Variants in RAC2 observed in about 807,000 individuals in gnomAD.
RAC2 encodes the protein ras-related C3 botulinum toxin substrate 2.
In RAC2, 1 loss-of-function variant was observed where a neutral mutation model predicts 24.0. The observed-to-expected ratio is 0.04, with a 90% confidence interval of 0.01 to 0.20. The LOEUF (loss-of-function observed/expected upper bound fraction) is 0.20. Ranked by LOEUF, RAC2 falls within the 10% of genes least tolerant of loss-of-function variation. The pLI, the probability that RAC2 is intolerant of heterozygous loss-of-function variation, is 1.00. For synonymous variants in RAC2, 114 were observed against 106.8 expected (o/e 1.07, Z -0.41); for missense variants, 130 against 259.1 (o/e 0.50, Z 3.42).
intron 1 of RAC2, among the ~76,000 whole-genome samples, chr22:37,242,698 C>G (rs1187611241): frequency 6.6e-6 from 1 of 152,236 alleles, no homozygotes; most frequent in Admixed American, 6.5e-5. Flanking sequence ...AGATACAAAG[C>G]AGAAGTGAAC....
chr22:37,228,896 G>A (rs991098906), intron 5 of RAC2, among the ~76,000 whole-genome samples: 2 of 152,154 alleles, frequency 1.3e-5, no homozygotes, highest in African/African-American at 2.4e-5. Context: ...AGGCATATAC[G>A]CCCACCAGGG....
chr22:37,226,941 C>CT, intron 5 of RAC2, 138 bp from the exon 6 acceptor site: 3 of 1,115,176 alleles, frequency 2.7e-6, no homozygotes, highest in Non-Finnish European at 3.9e-6. Flanking sequence ...GCCATACACC[C>CT]TCCCGTGCCA....
chr22:37,234,889 T>G (rs1927176624), intron 2 of RAC2, among the ~76,000 whole-genome samples: 1 of 152,192 alleles, frequency 6.6e-6, no homozygotes, highest in African/African-American at 2.4e-5. Context: ...CAAGTCCTCC[T>G]CTCTGGCGGA....
At chr22:37,235,321 T>C (rs924017902) in intron 2 of RAC2, among the ~76,000 whole-genome samples, 21 of 152,146 alleles carry the variant, frequency 1.4e-4, no homozygotes, top group African/African-American at 4.6e-4. Flanking sequence ...GTCTGGAAAG[T>C]GCCTGCAAAC....
At chr22:37,233,020 G>T in intron 2 of RAC2, 102 bp from the exon 3 acceptor site, 1 of 846,154 alleles carries the variant, frequency 1.2e-6, no homozygotes, top group Non-Finnish European at 2.0e-6. Context: ...GAGACCTAGA[G>T]ACAGTCTGCG....
At chr22:37,228,461 T>C (rs1256294723) in intron 5 of RAC2, among the ~76,000 whole-genome samples, 17 of 152,114 alleles carry the variant, frequency 1.1e-4, no homozygotes, top group Admixed American at 1.1e-3. Flanking sequence ...CAAAACCCCT[T>C]CTGCCGAGAT....
Position 37,241,634 on chromosome 22 carries a change from G to A in RAC2, c.60C>T (p.Leu20=), listed in dbSNP as rs767941433. Residue 20 remains leucine, a synonymous_variant, in exon 2 of 7, where the codon CTC becomes CTT. Coordinates refer to ENST00000249071, the MANE Select transcript of RAC2 (RefSeq NM_002872.5). ...GAAAGGCGTTGGTGGTGTAGCTGAT[G>A]AGAAGGCAGGTCTTGCCCACGGCCC... The part of the protein sequence containing the change: ...GDGAVGKTCL[L]ISYTTNAFPG... 4 of 1,614,156 alleles carry A rather than the reference G, an allele frequency of 2.5e-6. No individual in the cohort carries two copies. In the South Asian group the frequency reaches 4.4e-5, roughly 18 times the overall value.
chr22:37,238,158 A>G (rs925791878), intron 2 of RAC2, among the ~76,000 whole-genome samples: 1 of 152,116 alleles, frequency 6.6e-6, no homozygotes. Flanking sequence ...GCGCATTAAG[A>G]TGAGTTTTAA....
chr22:37,243,338 CA>C (rs1379083524), intron 1 of RAC2, among the ~76,000 whole-genome samples: 2 of 152,150 alleles, frequency 1.3e-5, no homozygotes, highest in African/African-American at 4.8e-5. Context: ...CTGAGGCCCC[CA>C]GGGGACAAGA....
intron 1 of RAC2, 73 bp downstream of exon 1, chr22:37,244,041 C>T: frequency 6.3e-7 from 1 of 1,598,220 alleles, no homozygotes; most frequent in Non-Finnish European, 8.6e-7. Context: ...GGGGCTTCCC[C>T]AGGGGCACCA....
intron 1 of RAC2, among the ~76,000 whole-genome samples, chr22:37,243,460 CTG>C (rs1420498268): frequency 6.6e-6 from 1 of 151,924 alleles, no homozygotes; most frequent in Non-Finnish European, 1.5e-5. Flanking sequence ...CCTTCCCTCT[CTG>C]TCTCTCAATG....
intron 2 of RAC2, among the ~76,000 whole-genome samples, chr22:37,238,537 G>A (rs1418513937): frequency 6.6e-6 from 1 of 152,206 alleles, no homozygotes; most frequent in African/African-American, 2.4e-5. Flanking sequence ...ACGGCGCCCA[G>A]CCTAACTTTC....
At position 37,231,091 on chromosome 22, in the gene RAC2, A is replaced by T; in HGVS notation, c.448+140T>A. On this transcript the variant is annotated intron_variant, in intron 5 of 6. Transcript: ENST00000249071. This position sits in a 1 kb window ranked among gnomAD's most constrained non-coding sequence, Gnocchi z 5.5. ...AGAGAGAGGCTACGTGACTCGCCCA[A>T]GGTCACACAGCAAGTGCACAGCACA... is the stretch of plus-strand genomic sequence containing the variant. The T allele has an allele frequency of 9.7e-7, 1 of 1,034,846 alleles. No individual in the cohort carries two copies. The highest frequency in any genetic ancestry group is 1.5e-6 in the Non-Finnish European group (1 of 680,714). 64.1% of individuals were successfully genotyped at this position (1,034,846 alleles called of 1,614,324 possible).
intron 2 of RAC2, chr22:37,241,135 CATCCT>C: frequency 1.3e-6 from 1 of 778,880 alleles, no homozygotes; most frequent in Non-Finnish European, 2.4e-6. Context: ...CCTGCCTCCG[CATCCT>C]GCAATAGAGC....
chr22:37,237,880 C>T (rs974643525), intron 2 of RAC2, among the ~76,000 whole-genome samples: 1 of 151,568 alleles, frequency 6.6e-6, no homozygotes, highest in African/African-American at 2.4e-5. Flanking sequence ...GTCGGGCTGT[C>T]GGGGGGCCTA....
chr22:37,228,772 A>T (rs1428989397), intron 5 of RAC2, among the ~76,000 whole-genome samples: 1 of 152,194 alleles, frequency 6.6e-6, no homozygotes. Flanking sequence ...AGGGGAGCCC[A>T]CTGAGGCCAG....
At chr22:37,239,014 C>T (rs907152806) in intron 2 of RAC2, among the ~76,000 whole-genome samples, 3 of 152,222 alleles carry the variant, frequency 2.0e-5, no homozygotes, top group Admixed American at 6.5e-5. Context: ...AAGCTCTCTC[C>T]ACCTTAATCT....
intron 2 of RAC2, chr22:37,241,118 T>C (rs752041123): frequency 4.0e-5 from 31 of 777,922 alleles, no homozygotes; most frequent in Non-Finnish European, 7.4e-5. Context: ...CCACGTCCGA[T>C]GACAGCCCTG....
At chr22:37,230,269 G>A (rs1042959755) in intron 5 of RAC2, among the ~76,000 whole-genome samples, 37 of 151,834 alleles carry the variant, frequency 2.4e-4, no homozygotes, top group Admixed American at 9.8e-4. Context: ...GGGGGAGGTG[G>A]GGCGGGGCTG....
Sources: allele counts gnomAD v4.1 joint callset (sites outside exome capture counted in the v4.1 genomes callset), GRCh38; gene constraint gnomAD v4.1.1; non-coding constraint Gnocchi (gnomAD v3.1); transcripts MANE v1.5; gene names NCBI Gene and HGNC (gene_info 2026-07-23, HGNC 2026-07-21).